Variants in STK39 observed in about 807,000 individuals in gnomAD.
STK39 encodes the protein serine/threonine kinase 39.
STK39 carries 20 observed loss-of-function variants against 77.8 expected under a neutral mutation model. The observed-to-expected ratio is 0.26, with a 90% CI of 0.18 to 0.37. The LOEUF (loss-of-function observed/expected upper bound fraction) is 0.37, where lower values mean the gene tolerates loss of function less well. STK39 is among the 10% of genes least tolerant of loss of function. The pLI is 1.00. For missense variants in STK39, 479 were observed against 656.5 expected (o/e 0.73, Z 2.95); for synonymous variants, 246 against 234.1 (o/e 1.05, Z -0.47).
intron 14 of STK39, among the ~76,000 whole-genome samples, chr2:168,053,834 A>G (rs1184121929): frequency 6.6e-6 from 1 of 152,190 alleles, no homozygotes; most frequent in Non-Finnish European, 1.5e-5. Context: ...CATCAATAAC[A>G]TTGAATTAGT....
At chr2:167,977,832 G>A (rs1683320520) in intron 16 of STK39, among the ~76,000 whole-genome samples, 1 of 136,216 alleles carries the variant, frequency 7.3e-6, no homozygotes, top group Non-Finnish European at 1.7e-5. Context: ...TTGCAATGGA[G>A]AAAAGGTAAT....
intron 7 of STK39, among the ~76,000 whole-genome samples, chr2:168,138,811 C>T (rs1002910844): frequency 2.6e-5 from 4 of 152,148 alleles, no homozygotes; most frequent in East Asian, 3.8e-4. Context: ...TAAAAACTGT[C>T]ATCAAATCCA....
chr2:167,999,688 T>G (rs1683945190), intron 16 of STK39, among the ~76,000 whole-genome samples: 1 of 152,124 alleles, frequency 6.6e-6, no homozygotes, highest in Non-Finnish European at 1.5e-5. Context: ...GGTCTCGATT[T>G]CCTGACCTCA....
intron 1 of STK39, among the ~76,000 whole-genome samples, chr2:168,214,720 A>T (rs927406458): frequency 1.3e-5 from 2 of 152,248 alleles, no homozygotes; most frequent in African/African-American, 2.4e-5. Context: ...CAAAAGGTTG[A>T]CTAAGGGGGA....
chr2:168,074,455 C>CAA (rs962629434), intron 12 of STK39, among the ~76,000 whole-genome samples: 24 of 152,154 alleles, frequency 1.6e-4, no homozygotes, highest in African/African-American at 5.5e-4. Flanking sequence ...GACCAGGCCT[C>CAA]AAAGGGAAGC....
rs569797453 is a variant in STK39, at chr2:167,986,299, TAAG to T, written c.1499-21576_1499-21574del. Among the ~76,000 whole-genome samples the T allele has an allele frequency of 5.2e-4, 79 of 152,346 alleles. 1 individual carries two copies. Among genetic ancestry groups the T allele is most frequent in the Non-Finnish European group, 1.1e-3 (74 of 68,040 alleles). ...CCTGCAGTGAGGATGTACTGGGCTC[TAAG>T]GACTAGAGGGGAATTAAATCATGCT... On this transcript the variant is annotated intron_variant, in intron 16 of 17. Coordinates refer to ENST00000355999, the MANE Select transcript of STK39 (RefSeq NM_013233.3).
At chr2:168,104,589 C>G (rs79206005) in intron 10 of STK39, among the ~76,000 whole-genome samples, 276 of 152,064 alleles carry the variant, frequency 1.8e-3, no homozygotes, top group African/African-American at 6.4e-3. Flanking sequence ...TGGAATGGAA[C>G]GAAAGAATAT....
intron 14 of STK39, among the ~76,000 whole-genome samples, chr2:168,023,203 A>AC (rs1178946127): frequency 6.6e-6 from 1 of 151,822 alleles, no homozygotes; most frequent in Non-Finnish European, 1.5e-5. Flanking sequence ...GGTGTGAGCC[A>AC]CCATGCCCAG....
intron 8 of STK39, among the ~76,000 whole-genome samples, chr2:168,134,670 A>G (rs1012855053): frequency 3.3e-5 from 5 of 152,182 alleles, no homozygotes; most frequent in Non-Finnish European, 5.9e-5. Flanking sequence ...ACACAGACTC[A>G]GACGAACCAA....
At chr2:168,009,846 A>G (rs1057408988) in intron 16 of STK39, among the ~76,000 whole-genome samples, 5 of 152,262 alleles carry the variant, frequency 3.3e-5, no homozygotes, top group Non-Finnish European at 7.3e-5. Context: ...ATAGAAAAAG[A>G]AAAGCTTTAT....
At chr2:167,984,012 G>A (rs768598661) in intron 16 of STK39, among the ~76,000 whole-genome samples, 1 of 152,154 alleles carries the variant, frequency 6.6e-6, no homozygotes, top group Non-Finnish European at 1.5e-5. Flanking sequence ...TTGGGGAGGT[G>A]AGCGGGATGG....
In STK39 at chr2:168,075,109, C is replaced by T. The variant is rs56697518; in HGVS notation, c.1212G>A (p.Lys404=). The part of the protein sequence containing the change: ...EEGKAAFSQE[K]SRRVKEENPE... The stretch of plus-strand genomic sequence containing the variant: ...GCTCATCGTCAACGATGTCATTTAC[C>T]TTTTCCTGAGAAAAAGCTGCTTTCC... The change falls in exon 11 of 18, where the codon AAG becomes AAA. Residue 404 remains lysine, a splice_region_variant and synonymous_variant. Coordinates refer to ENST00000355999, the MANE Select transcript of STK39 (RefSeq NM_013233.3). The T allele has an allele frequency of 3.4e-4, 553 of 1,614,156 alleles. No homozygotes were observed. In the African/African-American group the frequency reaches 4.8e-3, roughly 14 times the overall value.
rs140933653 is a variant in STK39 at position 167,966,196 on chromosome 2, C to T, written c.1499-1470G>A. Among the ~76,000 whole-genome samples the T allele has an allele frequency of 3.8e-3, 585 of 152,238 alleles. 5 individuals are homozygous for T. The highest frequency in any genetic ancestry group is 0.013 in the African/African-American group (544 of 41,542). ...GCACCAATTCCAGAATAGTTATCATCGCAAAGCTTCCTGTGGCCTTTCAAC... is the reference window on the plus strand; with the variant it reads ...GCACCAATTCCAGAATAGTTATCATTGCAAAGCTTCCTGTGGCCTTTCAAC... On this transcript the variant is annotated intron_variant, in intron 16 of 17. Transcript: ENST00000355999.
intron 17 of STK39, among the ~76,000 whole-genome samples, chr2:167,959,101 G>GATTTATTTATTT (rs71003016): frequency 8.0e-5 from 12 of 149,272 alleles, no homozygotes; most frequent in East Asian, 2.0e-4. Context: ...AATATTGTCA[G>GATTTATTTATTT]ATTTATTTAT....
intron 1 of STK39, among the ~76,000 whole-genome samples, chr2:168,234,729 C>T (rs1228765248): frequency 1.3e-5 from 2 of 152,172 alleles, no homozygotes; most frequent in Non-Finnish European, 2.9e-5. Flanking sequence ...TTACATGTTA[C>T]ATAAACATGC....
At chr2:168,041,136 T>C (rs929891099) in intron 14 of STK39, among the ~76,000 whole-genome samples, 2 of 152,278 alleles carry the variant, frequency 1.3e-5, no homozygotes, top group South Asian at 2.1e-4. Flanking sequence ...GGAGGAGCTG[T>C]GTTTTTAACA....
At chr2:168,224,289 ACTGATAATAATG>A (rs1285652851) in intron 1 of STK39, among the ~76,000 whole-genome samples, 4 of 152,160 alleles carry the variant, frequency 2.6e-5, no homozygotes, top group Non-Finnish European at 4.4e-5. Context: ...ATACATATGT[ACTGATAATAATG>A]CTGATAATAA....
intron 14 of STK39, among the ~76,000 whole-genome samples, chr2:168,018,594 G>GAAAGAA (rs1452217033): frequency 6.7e-6 from 1 of 148,224 alleles, no homozygotes; most frequent in East Asian, 2.0e-4. Flanking sequence ...AAGAAAGAAA[G>GAAAGAA]AAAGAAATTG....
At position 168,020,719 on chromosome 2, in the gene STK39, G is replaced by A. The variant is rs1684549392; in HGVS notation, c.1377-3624C>T. The stretch of plus-strand genomic sequence containing the variant: ...TTTAATTCCAATAATTAACCTTTGA[G>A]ATATGCAAAGAGGTATTATTTGTTT... On this transcript the variant is annotated intron_variant, in intron 14 of 17. Transcript: ENST00000355999. Among the ~76,000 whole-genome samples, 4 of 151,312 alleles carry A rather than the reference G, an allele frequency of 2.6e-5. No homozygotes were observed. The South Asian group carries it at 8.4e-4, about 32-fold the overall frequency.
Sources: gnomAD v4.1 joint callset for allele counts (sites outside exome capture counted in the v4.1 genomes callset) on GRCh38, gnomAD v4.1.1 for gene constraint, MANE v1.5 for transcripts, NCBI Gene and HGNC (gene_info 2026-07-23, HGNC 2026-07-21) for gene names.